Variants in LRRC49 observed in about 807,000 individuals in gnomAD.
LRRC49 encodes leucine-rich repeat-containing protein 49.
In LRRC49, 50 loss-of-function variants were observed where a neutral mutation model predicts 83.3. That is an observed-to-expected ratio of 0.60 (90% CI 0.48 to 0.76). The LOEUF is 0.76. LRRC49 is among the 30% of genes least tolerant of loss of function. The probability of loss-of-function intolerance (pLI) is 0.00; values close to 1 mark genes in which losing one functional copy is unlikely to be tolerated. For missense variants in LRRC49, 704 were observed against 809.1 expected (o/e 0.87, Z 1.58); for synonymous variants, 286 against 283.3 (o/e 1.01, Z -0.10).
At chr15:70,880,379 C>T (rs1350239595) in intron 2 of LRRC49, among the ~76,000 whole-genome samples, 4 of 152,184 alleles carry the variant, frequency 2.6e-5, no homozygotes, top group Non-Finnish European at 5.9e-5. Flanking sequence ...GAATCTTTGT[C>T]TTAATCACCA....
chr15:71,011,704 A>T (rs1207567321), intron 13 of LRRC49, among the ~76,000 whole-genome samples: 1 of 152,132 alleles, frequency 6.6e-6, no homozygotes, highest in Non-Finnish European at 1.5e-5. Context: ...CTAGGTGACT[A>T]TATTGGACCA....
At chr15:70,892,223 C>A, upstream of LRRC49, 2 of 1,596,486 alleles carry the variant, frequency 1.3e-6, no homozygotes, top group Non-Finnish European at 1.7e-6. Context: ...CAGCGACTTC[C>A]CAGACTTGGT....
intron 7 of LRRC49, among the ~76,000 whole-genome samples, chr15:70,934,777 T>G (rs2035539884): frequency 6.6e-6 from 1 of 152,206 alleles, no homozygotes; most frequent in African/African-American, 2.4e-5. Context: ...GGATTTAAAA[T>G]GTATTTTTAA....
At chr15:70,936,605 G>C (rs2043617135) in intron 7 of LRRC49, 156 bp from the exon 8 acceptor site, 4 of 589,402 alleles carry the variant, frequency 6.8e-6, no homozygotes, top group Non-Finnish European at 1.2e-5. Context: ...TTAATCTGCA[G>C]TGGAGGAGAG....
intron 1 of LRRC49, among the ~76,000 whole-genome samples, chr15:70,871,156 T>C (rs2033024668): frequency 6.6e-6 from 1 of 151,934 alleles, no homozygotes; most frequent in South Asian, 2.1e-4. Flanking sequence ...GTGATGACTC[T>C]TAACGAGTAT....
chr15:70,907,163 C>G (rs1489148747), intron 5 of LRRC49, among the ~76,000 whole-genome samples: 2 of 152,216 alleles, frequency 1.3e-5, no homozygotes, highest in East Asian at 3.8e-4. Flanking sequence ...GAGGGAAGTA[C>G]ATCTGCTACC....
intron 2 of LRRC49, chr15:70,882,970 A>C: frequency 6.4e-7 from 1 of 1,563,920 alleles, no homozygotes; most frequent in Admixed American, 1.8e-5. Context: ...TTATCTTTCA[A>C]AAGTTACAAG....
intron 8 of LRRC49, among the ~76,000 whole-genome samples, chr15:70,950,334 A>C (rs1410849335): frequency 6.6e-6 from 1 of 152,196 alleles, no homozygotes; most frequent in African/African-American, 2.4e-5. Flanking sequence ...TTGCTGGGTC[A>C]AATGGTAATT....
chr15:71,013,004 G>A (rs2038707434), intron 14 of LRRC49, 91 bp downstream of exon 14: 2 of 792,686 alleles, frequency 2.5e-6, no homozygotes, highest in South Asian at 1.7e-5. Context: ...TGCTAATTAT[G>A]TGTTCCATAA....
intron 8 of LRRC49, among the ~76,000 whole-genome samples, chr15:70,954,545 C>T (rs2036331473): frequency 6.6e-6 from 1 of 152,192 alleles, no homozygotes; most frequent in African/African-American, 2.4e-5. Flanking sequence ...GGTCTTTCTT[C>T]TGTGACAGCT....
chr15:70,854,176 C>A, intron 1 of LRRC49: 2 of 990,692 alleles, frequency 2.0e-6, no homozygotes, highest in Non-Finnish European at 2.6e-6. Context: ...GGGGCGGGGG[C>A]GGTGCGAGCG....
chr15:70,859,887 G>A, intron 1 of LRRC49: 1 of 768,894 alleles, frequency 1.3e-6, no homozygotes, highest in Non-Finnish European at 2.4e-6. Flanking sequence ...GCCACCTACA[G>A]GAAGCTGCTG....
At chr15:70,995,323 A>G (rs535642192) in intron 11 of LRRC49, among the ~76,000 whole-genome samples, 8 of 152,214 alleles carry the variant, frequency 5.3e-5, no homozygotes, top group Non-Finnish European at 1.2e-4. Flanking sequence ...GAGCTGGAAT[A>G]GTGGGAATTT....
chr15:70,871,649 G>A (rs928602921), intron 1 of LRRC49, among the ~76,000 whole-genome samples: 7 of 151,686 alleles, frequency 4.6e-5, no homozygotes, highest in Admixed American at 1.3e-4. Flanking sequence ...CGGGGCGGCT[G>A]CTGGGCGGAG....
At chr15:70,937,210 C>A (rs1200848755) in intron 8 of LRRC49, among the ~76,000 whole-genome samples, 19 of 152,154 alleles carry the variant, frequency 1.2e-4, no homozygotes. Context: ...TTTAATACAG[C>A]AGGCTATATT....
rs149661179 is a variant in LRRC49 at position 70,984,191 on chromosome 15, C to T, written c.1103C>T (p.Ser368Phe). The change falls in exon 11 of 16, where the codon TCT becomes TTT. Residue 368 changes from serine (S) to phenylalanine (F), a missense_variant. This residue lies in a region of LRRC49 where 168 missense variants were observed against 140.6 expected (regional missense o/e 1.20). Transcript: ENST00000260382. ...GCTACAAATGAAGATAGAAAAGATT[C>T]TGACTCTCCTCAGGACCCCTGTCAG... The part of the protein sequence containing the change: ...NIATNEDRKD[S>F]DSPQDPCQID... 70 of 1,613,492 alleles carry T rather than the reference C, an allele frequency of 4.3e-5. 1 individual carries two copies. The African/African-American group carries it at 8.5e-4, about 20-fold the overall frequency.
chr15:70,989,094 T>C (rs1423922718), intron 11 of LRRC49, among the ~76,000 whole-genome samples: 3 of 152,216 alleles, frequency 2.0e-5, no homozygotes, highest in Non-Finnish European at 1.5e-5. Context: ...TCAACTTTGG[T>C]GAATCTAACA....
At chr15:70,921,915 C>T (rs1214368590) in intron 7 of LRRC49, among the ~76,000 whole-genome samples, 1 of 151,762 alleles carries the variant, frequency 6.6e-6, no homozygotes, top group Non-Finnish European at 1.5e-5. Flanking sequence ...GTTTATTTAC[C>T]AATCTTTGTT....
chr15:71,043,520 A>G (rs2039759843), intron 15 of LRRC49, among the ~76,000 whole-genome samples: 1 of 152,208 alleles, frequency 6.6e-6, no homozygotes. Context: ...GGTCAGGGCA[A>G]GAGAGGTGTC....
Sources: allele counts gnomAD v4.1 joint callset (sites outside exome capture counted in the v4.1 genomes callset), GRCh38; gene constraint gnomAD v4.1.1; regional missense constraint gnomAD v4.1.1; transcripts MANE v1.5; gene names NCBI Gene and HGNC (gene_info 2026-07-23, HGNC 2026-07-21).